GMDS: variants seen among roughly 807,000 people sequenced by gnomAD.
GMDS encodes GDP-mannose 4,6-dehydratase, also known as GDP-mannose 4,6 dehydratase.
A neutral mutation model predicts 49.9 loss-of-function variants in GMDS; 20 were observed. That is an observed-to-expected ratio of 0.40 (90% CI 0.28 to 0.58). GMDS has a LOEUF of 0.58. Ranked by LOEUF, GMDS falls within the 20% of genes least tolerant of loss-of-function variation. The pLI is 0.42. For synonymous variants in GMDS, 177 were observed against 178.6 expected (o/e 0.99, Z 0.07); for missense variants, 362 against 481.4 (o/e 0.75, Z 2.32).
At chr6:1,998,548 T>C (rs1013264524) in intron 4 of GMDS, among the ~76,000 whole-genome samples, 6 of 152,178 alleles carry the variant, frequency 3.9e-5, no homozygotes, top group Non-Finnish European at 7.3e-5. Flanking sequence ...TTCGTATCCA[T>C]AGGTTCAGCA....
At chr6:2,140,500 C>T (rs1395637213) in intron 1 of GMDS, among the ~76,000 whole-genome samples, 1 of 152,182 alleles carries the variant, frequency 6.6e-6, no homozygotes, top group African/African-American at 2.4e-5. Context: ...CAGCTTAGAA[C>T]CTCTCAAAAC....
At chr6:1,750,797 G>A (rs888022493) in intron 7 of GMDS, among the ~76,000 whole-genome samples, 3 of 152,168 alleles carry the variant, frequency 2.0e-5, no homozygotes, top group African/African-American at 7.2e-5. Flanking sequence ...CACCCCCATG[G>A]TGCCCAGCAA....
At chr6:1,824,600 A>G (rs1376154187) in intron 7 of GMDS, among the ~76,000 whole-genome samples, 1 of 152,052 alleles carries the variant, frequency 6.6e-6, no homozygotes, top group Non-Finnish European at 1.5e-5. Context: ...GCAGAGTGTA[A>G]GCATGTGGGT....
At chr6:1,732,408 T>C (rs1048880958) in intron 8 of GMDS, among the ~76,000 whole-genome samples, 4 of 152,156 alleles carry the variant, frequency 2.6e-5, no homozygotes, top group Admixed American at 1.3e-4. Context: ...CATGGTAATG[T>C]AGCACTAAAT....
chr6:2,054,408 G>C (rs1434154119), intron 4 of GMDS, among the ~76,000 whole-genome samples: 1 of 152,048 alleles, frequency 6.6e-6, no homozygotes, highest in Non-Finnish European at 1.5e-5. Context: ...TTGCAATAAA[G>C]ATAAAGGAAT....
At chr6:1,982,757 C>T (rs1765293531) in intron 4 of GMDS, among the ~76,000 whole-genome samples, 1 of 152,164 alleles carries the variant, frequency 6.6e-6, no homozygotes, top group East Asian at 1.9e-4. Context: ...ACATCAAATG[C>T]TCATGGATAG....
At chr6:1,906,585 T>C (rs918168509) in intron 7 of GMDS, among the ~76,000 whole-genome samples, 4 of 152,338 alleles carry the variant, frequency 2.6e-5, no homozygotes, top group Non-Finnish European at 2.9e-5. Flanking sequence ...ATCTCTATGA[T>C]ACTCTAGTTT....
chr6:2,024,292 C>T (rs1441264580), intron 4 of GMDS, among the ~76,000 whole-genome samples: 2 of 152,020 alleles, frequency 1.3e-5, no homozygotes, highest in Non-Finnish European at 2.9e-5. Flanking sequence ...CAGAAACTAT[C>T]ATCAAAGGAC....
intron 1 of GMDS, among the ~76,000 whole-genome samples, chr6:2,175,228 C>T (rs1778217831): frequency 6.6e-6 from 1 of 151,682 alleles, no homozygotes; most frequent in South Asian, 2.1e-4. Context: ...TATATTAACT[C>T]AAAAAGAGAA....
intron 4 of GMDS, among the ~76,000 whole-genome samples, chr6:2,060,368 T>C (rs940847735): frequency 2.0e-5 from 3 of 152,216 alleles, no homozygotes; most frequent in Non-Finnish European, 4.4e-5. Context: ...AATATTCATA[T>C]TTTATTTTAA....
chr6:2,219,193 C>T (rs998343830), intron 1 of GMDS, among the ~76,000 whole-genome samples: 1 of 152,154 alleles, frequency 6.6e-6, no homozygotes, highest in Non-Finnish European at 1.5e-5. Context: ...CACCTGAATA[C>T]CCATTTGCAT....
chr6:2,028,885 T>C (rs1009519023), intron 4 of GMDS, among the ~76,000 whole-genome samples: 18 of 152,160 alleles, frequency 1.2e-4, no homozygotes, highest in African/African-American at 3.4e-4. Flanking sequence ...GGTGTGATGA[T>C]TGTATGCCAG....
intron 7 of GMDS, among the ~76,000 whole-genome samples, chr6:1,796,273 GA>G (rs997589328): frequency 6.6e-6 from 1 of 151,690 alleles, no homozygotes; most frequent in African/African-American, 2.4e-5. Context: ...AGACATGTAG[GA>G]AAAAAAATCT....
Position 1,811,171 on chromosome 6 carries a change from G to A in GMDS, c.772-68585C>T, listed in dbSNP as rs75940014. ...CAAGACAATGCTGTGCTGAGTAAAC[G>A]CTCATATATTTCTGAAGTTGAAATG... On this transcript the variant is annotated intron_variant, in intron 7 of 10. Transcript: ENST00000380815. Among the ~76,000 whole-genome samples, 1,210 of 152,278 alleles carry A rather than the reference G, an allele frequency of 7.9e-3. 9 individuals are homozygous for A. The highest frequency in any genetic ancestry group is 0.025 in the African/African-American group (1,038 of 41,566).
intron 7 of GMDS, among the ~76,000 whole-genome samples, chr6:1,831,099 G>A (rs1013392438): frequency 6.6e-6 from 1 of 152,226 alleles, no homozygotes; most frequent in African/African-American, 2.4e-5. Context: ...AAGGCCATTT[G>A]TAAATTGTTT....
chr6:1,715,735 G>A (rs944644357), intron 9 of GMDS, among the ~76,000 whole-genome samples: 6 of 152,198 alleles, frequency 3.9e-5, no homozygotes, highest in African/African-American at 9.7e-5. Context: ...GGGAATAAAA[G>A]GTGTTGAGAT....
intron 1 of GMDS, among the ~76,000 whole-genome samples, chr6:2,177,257 G>A (rs1008351290): frequency 3.3e-5 from 5 of 152,164 alleles, no homozygotes; most frequent in Admixed American, 6.6e-5. Context: ...TCTGCAGTAC[G>A]TATAATCTGG....
chr6:1,766,811 A>C lies in GMDS; in HGVS notation c.772-24225T>G, dbSNP rs1477850040. 6.6e-6 allele frequency among the ~76,000 whole-genome samples: 1 copy of C among 152,374 alleles called. No homozygotes were observed. The highest frequency in any genetic ancestry group is 1.5e-5 in the Non-Finnish European group (1 of 68,042). ...AAAACCCAACAAACTCTAAAATGTT[A>C]GCTGTGGGCTGAAACACTGACTGGA... is the stretch of plus-strand genomic sequence containing the variant. On this transcript the variant is annotated intron_variant, in intron 7 of 10. Coordinates refer to ENST00000380815, the MANE Select transcript of GMDS (RefSeq NM_001500.4). This position sits in a 1 kb window ranked among gnomAD's most constrained non-coding sequence, Gnocchi z 4.5.
At chr6:2,034,398 G>A (rs1026941063) in intron 4 of GMDS, among the ~76,000 whole-genome samples, 1 of 152,126 alleles carries the variant, frequency 6.6e-6, no homozygotes, top group South Asian at 2.1e-4. Flanking sequence ...GGGCTGGGGC[G>A]GTAGGAGAGA....
Sources: gnomAD v4.1 joint callset for allele counts (sites outside exome capture counted in the v4.1 genomes callset) on GRCh38, gnomAD v4.1.1 for gene constraint, Gnocchi (gnomAD v3.1) non-coding constraint, MANE v1.5 for transcripts, NCBI Gene and HGNC (gene_info 2026-07-23, HGNC 2026-07-21) for gene names.